The following NFIL3 variants were observed in gnomAD, a reference collection of about 807,000 sequenced individuals.
NFIL3 encodes the protein nuclear factor interleukin-3-regulated protein.
Under a neutral mutation model 10.0 loss-of-function variants are expected in NFIL3, and 5 were observed. That is an observed-to-expected ratio of 0.50 (90% confidence interval 0.26 to 1.06). NFIL3 has a LOEUF of 1.06. Among genes scored for constraint, NFIL3 ranks in the 50% least tolerant of loss-of-function variants. The pLI is 0.13. For missense variants in NFIL3, 436 were observed against 547.6 expected, an observed-to-expected ratio of 0.80 and a Z score of 2.03; for synonymous variants, 202 against 206.5, an observed-to-expected ratio of 0.98 and a Z score of 0.19.
At chr9:91,455,686 G>A in the NFIL3 span, among the ~76,000 whole-genome samples, 8 of 152,040 alleles carry the variant, frequency 5.3e-5, no homozygotes, top group Admixed American at 2.6e-4. Flanking sequence ...GATAAACTTC[G>A]CATATTTGAA....
the NFIL3 span, among the ~76,000 whole-genome samples, chr9:91,478,496 C>T: frequency 6.6e-6 from 1 of 151,782 alleles, no homozygotes; most frequent in Non-Finnish European, 1.5e-5. Flanking sequence ...TTTATCAGGT[C>T]ATTTATGTTC....
the NFIL3 span, among the ~76,000 whole-genome samples, chr9:91,434,789 C>CA: frequency 6.6e-6 from 1 of 152,060 alleles, no homozygotes; most frequent in African/African-American, 2.4e-5. Context: ...TAGACTTCAC[C>CA]ACTATACAAT....
In NFIL3 at chr9:91,410,189, A is replaced by G; in HGVS notation, c.546T>C (p.Ser182=). The G allele has an allele frequency of 6.2e-7, 1 of 1,614,116 alleles. No homozygotes were observed. The highest frequency in any genetic ancestry group is 8.5e-7 in the Non-Finnish European group (1 of 1,180,002). Residue 182 remains serine (S), a synonymous_variant, in exon 2 of 2, where the codon TCT becomes TCC. Coordinates refer to ENST00000297689, the MANE Select transcript of NFIL3 (RefSeq NM_005384.3). This position sits in a 1 kb window ranked among gnomAD's most constrained non-coding sequence, Gnocchi z 5.7. ...AAACATCGGACAGCGAGCTTTGTGG[A>G]GAGTGTTTAATGACAGAAATACAAC... ...SSSCISVIKH[S]PQSSLSDVSE... is the part of the protein sequence containing the mutation.
chr9:91,413,631 T>C (rs538839515), intron 1 of NFIL3, among the ~76,000 whole-genome samples: 3 of 152,360 alleles, frequency 2.0e-5, no homozygotes, highest in Admixed American at 2.0e-4. Context: ...ATTGAATGGA[T>C]TCTTTCCTCT....
At chr9:91,473,220 G>A in the NFIL3 span, among the ~76,000 whole-genome samples, 10,225 of 152,316 alleles carry the variant, frequency 0.067, 381 homozygotes, top group Middle Eastern at 0.12. Context: ...TGTGCTGGGA[G>A]AACACTGATC....
At chr9:91,417,042 C>G (rs1833670559) in intron 1 of NFIL3, among the ~76,000 whole-genome samples, 1 of 152,152 alleles carries the variant, frequency 6.6e-6, no homozygotes, top group Admixed American at 6.5e-5. Flanking sequence ...TTTCAATCAT[C>G]TGAAATCTTA....
chr9:91,460,649 T>C, the NFIL3 span, among the ~76,000 whole-genome samples: 1 of 152,250 alleles, frequency 6.6e-6, no homozygotes, highest in African/African-American at 2.4e-5. Context: ...GGAATGTTTA[T>C]CCACCAAATC....
At chr9:91,436,501 C>A in the NFIL3 span, among the ~76,000 whole-genome samples, 48 of 152,126 alleles carry the variant, frequency 3.2e-4, no homozygotes, top group African/African-American at 1.0e-3. Flanking sequence ...TGGCGTGAAT[C>A]CGGGTGGCGG....
chr9:91,440,567 T>G, the NFIL3 span, among the ~76,000 whole-genome samples: 1 of 152,096 alleles, frequency 6.6e-6, no homozygotes, highest in Non-Finnish European at 1.5e-5. Flanking sequence ...TTTGTTCTTC[T>G]TTTTCTAGTT....
chr9:91,465,198 C>T, the NFIL3 span, among the ~76,000 whole-genome samples: 1 of 152,090 alleles, frequency 6.6e-6, no homozygotes, highest in Admixed American at 6.6e-5. Flanking sequence ...TGTACCTTTT[C>T]TTCTCTTTTG....
the NFIL3 span, among the ~76,000 whole-genome samples, chr9:91,450,188 AT>A: frequency 1.3e-5 from 2 of 151,884 alleles, no homozygotes; most frequent in Non-Finnish European, 2.9e-5. Flanking sequence ...TTGTTTTTGT[AT>A]TCTCTATTTT....
chr9:91,444,284 A>T, the NFIL3 span, among the ~76,000 whole-genome samples: 1 of 152,192 alleles, frequency 6.6e-6, no homozygotes, highest in Non-Finnish European at 1.5e-5. Flanking sequence ...TTTTAAAAAA[A>T]ATGATATCTA....
upstream of NFIL3, among the ~76,000 whole-genome samples, chr9:91,424,871 G>A (rs10991927): frequency 6.6e-6 from 1 of 152,218 alleles, no homozygotes; most frequent in Admixed American, 6.5e-5. Context: ...CGTCTAACTG[G>A]ATACGGTAGT....
intron 1 of NFIL3, among the ~76,000 whole-genome samples, chr9:91,419,339 A>G (rs1209933374): frequency 6.6e-6 from 1 of 152,182 alleles, no homozygotes; most frequent in East Asian, 1.9e-4. Context: ...TCGCATTTAC[A>G]TCTCGAAATT....
chr9:91,418,982 A>G (rs111458949), intron 1 of NFIL3, among the ~76,000 whole-genome samples: 1 of 152,324 alleles, frequency 6.6e-6, no homozygotes, highest in African/African-American at 2.4e-5. Flanking sequence ...TCAAAGGTCA[A>G]CGTCTTTCAA....
chr9:91,443,129 G>A, the NFIL3 span, among the ~76,000 whole-genome samples: 1 of 152,316 alleles, frequency 6.6e-6, no homozygotes, highest in East Asian at 1.9e-4. Flanking sequence ...CCCACAGTGG[G>A]TAGCTACTTT....
the NFIL3 span, among the ~76,000 whole-genome samples, chr9:91,463,262 C>A: frequency 6.6e-6 from 1 of 151,636 alleles, no homozygotes; most frequent in Non-Finnish European, 1.5e-5. Context: ...TCCGTAGTTT[C>A]ATAAGGTGGA....
the NFIL3 span, among the ~76,000 whole-genome samples, chr9:91,451,961 A>G: frequency 2.0e-5 from 3 of 152,224 alleles, no homozygotes; most frequent in Non-Finnish European, 4.4e-5. Flanking sequence ...TGAAAGTTCA[A>G]GAAGTATTTT....
chr9:91,468,848 A>C, the NFIL3 span, among the ~76,000 whole-genome samples: 1 of 152,134 alleles, frequency 6.6e-6, no homozygotes, highest in Non-Finnish European at 1.5e-5. Context: ...AGATGGTTGT[A>C]GATGTGTGAT....
Sources: gnomAD v4.1 joint callset for allele counts (sites outside exome capture counted in the v4.1 genomes callset) on GRCh38, gnomAD v4.1.1 for gene constraint, Gnocchi (gnomAD v3.1) non-coding constraint, MANE v1.5 for transcripts, NCBI Gene and HGNC (gene_info 2026-07-23, HGNC 2026-07-21) for gene names.